ERAP1: variants seen among roughly 807,000 people sequenced by gnomAD.
The protein encoded by ERAP1 is adipocyte-derived leucine aminopeptidase.
Under a neutral mutation model 103.7 loss-of-function variants are expected in ERAP1, and 86 were observed. That is an observed-to-expected ratio of 0.83 (90% CI 0.70 to 0.99). The LOEUF (loss-of-function observed/expected upper bound fraction) is 0.99, where lower values mean the gene tolerates loss of function less well. Among genes scored for constraint, ERAP1 ranks in the 50% least tolerant of loss-of-function variants. The pLI, the probability that ERAP1 is intolerant of heterozygous loss-of-function variation, is 0.00. For synonymous variants in ERAP1, 398 were observed against 402.4 expected (o/e 0.99, Z 0.13); for missense variants, 1,009 against 1,128.4 (o/e 0.89, Z 1.52).
At chr5:96,762,391 T>A (rs1768311661) in exon 20 of ERAP1, 1 of 1,541,354 alleles carries the variant, frequency 6.5e-7, no homozygotes. Context: ...CACATCTTAT[T>A]TGGGAGATAA....
chr5:96,799,665 G>T (rs1245015907), intron 3 of ERAP1, among the ~76,000 whole-genome samples: 2 of 152,184 alleles, frequency 1.3e-5, no homozygotes, highest in African/African-American at 4.8e-5. Context: ...ACCAATTAAA[G>T]AACTCACTTC....
the ERAP1 span, among the ~76,000 whole-genome samples, chr5:96,859,237 C>G: frequency 6.6e-6 from 1 of 152,102 alleles, no homozygotes; most frequent in Non-Finnish European, 1.5e-5. Context: ...CTTGTCCATC[C>G]TGGTCTGTAC....
upstream of ERAP1, among the ~76,000 whole-genome samples, chr5:96,809,150 C>G (rs1296389746): frequency 6.6e-6 from 1 of 152,226 alleles, no homozygotes; most frequent in African/African-American, 2.4e-5. Context: ...AGAGGACACT[C>G]TCATTGCCAT....
the ERAP1 span, among the ~76,000 whole-genome samples, chr5:96,829,093 G>A: frequency 0.054 from 8,262 of 152,204 alleles, 314 homozygotes; most frequent in East Asian, 0.14. Flanking sequence ...TGATCCGCCC[G>A]CCTCGGCCTC....
rs1398042252 is a variant in ERAP1, at chr5:96,776,351, A to ATGT, written c.*42_*44dup. ...CTAGTTTGAAAATACACTCAACAAA[A>ATGT]TGTTGGTGATTAGAGATAACAGGAA... On this transcript the variant is annotated 3_prime_UTR_variant, in exon 19 of 19. Coordinates refer to ENST00000443439, the MANE Select transcript of ERAP1 (RefSeq NM_001040458.3). The ATGT allele has an allele frequency of 3.8e-6, 6 of 1,581,576 alleles. No homozygotes were observed. Among genetic ancestry groups the ATGT allele is most frequent in the Non-Finnish European group, 5.2e-6 (6 of 1,164,126 alleles).
rs1461354460 is a variant in ERAP1 at position 96,776,228 on chromosome 5, C to T, written c.*168G>A. ...AACAAAACACATGGTAGCGATAGCCCATTCATGAAAAACTAACAGCTATTC... is the reference window on the plus strand; with the variant it reads ...AACAAAACACATGGTAGCGATAGCCTATTCATGAAAAACTAACAGCTATTC... On this transcript the variant is annotated 3_prime_UTR_variant, in exon 19 of 19. Coordinates refer to ENST00000443439, the MANE Select transcript of ERAP1 (RefSeq NM_001040458.3). The T allele has an allele frequency of 1.3e-6, 2 of 1,498,324 alleles. No individual in the cohort carries two copies. The highest frequency in any genetic ancestry group is 1.8e-6 in the Non-Finnish European group (2 of 1,127,624). 92.8% of individuals were successfully genotyped at this position (1,498,324 alleles called of 1,614,324 possible). A position where few individuals can be genotyped will look rare whatever the true frequency, so the allele number is the denominator to read the frequency against.
chr5:96,903,272 T>A, the ERAP1 span: 1 of 898,410 alleles, frequency 1.1e-6, no homozygotes, highest in Non-Finnish European at 1.6e-6. Context: ...CCAAACTTCA[T>A]CTTCCCATTG....
At chr5:96,780,358 C>A in intron 18 of ERAP1, 65 bp downstream of exon 18, 1 of 1,182,864 alleles carries the variant, frequency 8.5e-7, no homozygotes, top group Non-Finnish European at 1.2e-6. Flanking sequence ...ATTTTGTCTA[C>A]CCCATATTAA....
chr5:96,846,143 T>C, the ERAP1 span, among the ~76,000 whole-genome samples: 1 of 152,222 alleles, frequency 6.6e-6, no homozygotes, highest in Non-Finnish European at 1.5e-5. Flanking sequence ...ATGATTGTAA[T>C]GTATTCTCCT....
chr5:96,907,655 G>A, the ERAP1 span, among the ~76,000 whole-genome samples: 1 of 152,000 alleles, frequency 6.6e-6, no homozygotes, highest in Non-Finnish European at 1.5e-5. Context: ...GCCGAGGCGG[G>A]TGGATCACCT....
At chr5:96,886,856 T>C in the ERAP1 span, 1 of 1,286,292 alleles carries the variant, frequency 7.8e-7, no homozygotes, top group Non-Finnish European at 1.0e-6. Flanking sequence ...ACTTTTGTTT[T>C]CTCATGTTTT....
intron 15 of ERAP1, among the ~76,000 whole-genome samples, 154 bp from the exon 16 acceptor site, chr5:96,782,008 ATT>A (rs68114531): frequency 0.2 from 26,847 of 133,552 alleles, 2,720 homozygotes; most frequent in South Asian, 0.31. Flanking sequence ...TTCAGTTACA[ATT>A]TTTTTTTTTT....
upstream of ERAP1, chr5:96,808,143 G>A (rs1778875416): frequency 1.0e-6 from 1 of 984,646 alleles, no homozygotes; most frequent in Non-Finnish European, 1.2e-6. Flanking sequence ...GTTGCGATGC[G>A]GGGGATCAGG....
rs1034458785 is a variant in ERAP1, at chr5:96,786,682, A to C, written c.1680-133T>G. ...CCAAAACTGCTACAGCCAAGCTCTC[A>C]AAACATCCCCAGTCTGTTTTCCAGC... On this transcript the variant is annotated intron_variant, in intron 11 of 18. Coordinates refer to ENST00000443439, the MANE Select transcript of ERAP1 (RefSeq NM_001040458.3). 5.8e-5 allele frequency: 38 copies of C among 655,198 alleles called. No homozygotes were observed. In the Admixed American group the frequency reaches 8.3e-4, roughly 14 times the overall value. 40.6% of individuals were successfully genotyped at this position (655,198 alleles called of 1,614,324 possible).
chr5:96,836,176 G>GTTTTTTTTTTTTTTTTTTTTTTTTTGTTT, the ERAP1 span, among the ~76,000 whole-genome samples: 2 of 106,678 alleles, frequency 1.9e-5, no homozygotes, highest in Non-Finnish European at 3.6e-5. Flanking sequence ...CACCTCTTTG[G>GTTTTTTTTTTTTTTTTTTTTTTTTTGTTT]TTTTTTTTTT....
chr5:96,785,381 T>C lies in ERAP1; in HGVS notation c.1943+407A>G, dbSNP rs1317442302. 3.5e-5 allele frequency: 9 copies of C among 255,920 alleles called. No homozygotes were observed. The East Asian group carries it at 8.8e-4, about 25-fold the overall frequency. The allele number at this position is 255,920 out of a possible 1,614,324, so 15.9% of individuals were successfully genotyped here. A position where few individuals can be genotyped will look rare whatever the true frequency, so the allele number is the denominator to read the frequency against. On this transcript the variant is annotated intron_variant, in intron 13 of 18. Coordinates refer to ENST00000443439, the MANE Select transcript of ERAP1 (RefSeq NM_001040458.3). Reference sequence around the variant, plus strand: ...TGCAAACAACTTGGGCCTGTGTCACTTAGTCTTCTAAGAAGACTTCAAGGC... The same window carrying C: ...TGCAAACAACTTGGGCCTGTGTCACCTAGTCTTCTAAGAAGACTTCAAGGC...
chr5:96,867,811 T>C, the ERAP1 span, among the ~76,000 whole-genome samples: 3 of 152,340 alleles, frequency 2.0e-5, no homozygotes, highest in Non-Finnish European at 2.9e-5. Flanking sequence ...CAGTGGTTCA[T>C]GCCTGTAATC....
chr5:96,781,030 T>G (rs1473969827), intron 17 of ERAP1, 28 bp downstream of exon 17: 1 of 1,613,896 alleles, frequency 6.2e-7, no homozygotes, highest in Non-Finnish European at 8.5e-7. Flanking sequence ...ACTTATCCAG[T>G]CACAGCACAA....
the ERAP1 span, among the ~76,000 whole-genome samples, chr5:96,906,555 A>T: frequency 6.6e-6 from 1 of 152,206 alleles, no homozygotes; most frequent in Non-Finnish European, 1.5e-5. Flanking sequence ...GGTGTGAGCC[A>T]CTGCACCCAG....
Sources: gnomAD v4.1 joint callset for allele counts (sites outside exome capture counted in the v4.1 genomes callset) on GRCh38, gnomAD v4.1.1 for gene constraint, MANE v1.5 for transcripts, NCBI Gene and HGNC (gene_info 2026-07-23, HGNC 2026-07-21) for gene names.